The following ZRANB3 variants were observed in gnomAD, a reference collection of about 807,000 sequenced individuals.
The protein encoded by ZRANB3 is zinc finger RANBP2-type containing 3.
A neutral mutation model predicts 133.8 loss-of-function variants in ZRANB3; 125 were observed. The observed-to-expected ratio is 0.93, with a 90% CI of 0.81 to 1.08. The LOEUF is 1.08. Among genes scored for constraint, ZRANB3 ranks in the 50% least tolerant of loss-of-function variants. ZRANB3 has a pLI of 0.00. For synonymous variants in ZRANB3, 387 were observed against 432.7 expected, an observed-to-expected ratio of 0.89 and a Z score of 1.31; for missense variants, 1,229 against 1,275.5, an observed-to-expected ratio of 0.96 and a Z score of 0.56.
At chr2:135,315,208 G>T in intron 7 of ZRANB3, 151 bp downstream of exon 7, 1 of 679,834 alleles carries the variant, frequency 1.5e-6, no homozygotes, top group Non-Finnish European at 2.1e-6. Flanking sequence ...CTTTCTTGCT[G>T]AAATACAAAA....
chr2:135,325,274 G>T (rs956454270), intron 6 of ZRANB3, among the ~76,000 whole-genome samples: 4 of 152,158 alleles, frequency 2.6e-5, no homozygotes, highest in Non-Finnish European at 5.9e-5. Flanking sequence ...ACTGTAAGTT[G>T]CTAACAAAAC....
At chr2:135,333,243 T>C (rs966784694) in intron 6 of ZRANB3, among the ~76,000 whole-genome samples, 27 of 152,178 alleles carry the variant, frequency 1.8e-4, no homozygotes, top group African/African-American at 6.3e-4. Flanking sequence ...ACAGAGAAAA[T>C]ATAAACTGTA....
chr2:135,478,622 C>T (rs1003392625), intron 2 of ZRANB3, among the ~76,000 whole-genome samples: 12 of 151,998 alleles, frequency 7.9e-5, no homozygotes, highest in African/African-American at 2.7e-4. Context: ...TCACTCAACA[C>T]TATGTTTGAA....
intron 12 of ZRANB3, among the ~76,000 whole-genome samples, chr2:135,262,159 C>CAAAAAAAA (rs755264566): frequency 1.3e-4 from 8 of 63,946 alleles, no homozygotes; most frequent in East Asian, 3.9e-4. Flanking sequence ...ACTCCATCTC[C>CAAAAAAAA]AAAAAAAAAA....
At chr2:135,378,301 T>G (rs568171810) in intron 3 of ZRANB3, among the ~76,000 whole-genome samples, 28 of 152,266 alleles carry the variant, frequency 1.8e-4, no homozygotes, top group African/African-American at 5.5e-4. Context: ...AAGACCAGAC[T>G]GACCAACATG....
At chr2:135,295,149 G>T (rs115649004) in intron 8 of ZRANB3, among the ~76,000 whole-genome samples, 2 of 151,594 alleles carry the variant, frequency 1.3e-5, no homozygotes, top group African/African-American at 4.8e-5. Flanking sequence ...TTTCTGTCGC[G>T]TTTATCTGTC....
chr2:135,389,322 T>C lies in ZRANB3; in HGVS notation c.180+1480A>G, dbSNP rs573021021. Among the ~76,000 whole-genome samples the C allele has an allele frequency of 2.6e-5, 4 of 152,330 alleles. No homozygotes were observed. The South Asian group carries it at 8.3e-4, about 32-fold the overall frequency. On this transcript the variant is annotated intron_variant, in intron 3 of 20. Coordinates refer to ENST00000264159, the MANE Select transcript of ZRANB3 (RefSeq NM_032143.4). ...AAAATTAGGTCATTATAAATTAGCA[T>C]GAACTATGAACCCCTATATCAACAT...
chr2:135,512,172 C>G (rs1219634559), intron 1 of ZRANB3, among the ~76,000 whole-genome samples: 1 of 152,058 alleles, frequency 6.6e-6, no homozygotes, highest in African/African-American at 2.4e-5. Context: ...AACTTATTTT[C>G]TAAGCAATTT....
At chr2:135,455,906 T>C (rs1006694477) in intron 2 of ZRANB3, among the ~76,000 whole-genome samples, 1 of 152,234 alleles carries the variant, frequency 6.6e-6, no homozygotes, top group African/African-American at 2.4e-5. Flanking sequence ...ACTATTGATT[T>C]TTTAAAAATT....
At chr2:135,282,406 T>C (rs1485509603) in intron 8 of ZRANB3, among the ~76,000 whole-genome samples, 1 of 152,172 alleles carries the variant, frequency 6.6e-6, no homozygotes, top group Non-Finnish European at 1.5e-5. Flanking sequence ...TTAGTAAACA[T>C]TTCCAAATCT....
chr2:135,325,670 T>C (rs558716051), intron 6 of ZRANB3, among the ~76,000 whole-genome samples: 6 of 152,266 alleles, frequency 3.9e-5, no homozygotes, highest in South Asian at 2.1e-4. Context: ...GCTGGGATTA[T>C]GGGTGTAAGC....
intron 6 of ZRANB3, among the ~76,000 whole-genome samples, chr2:135,323,019 A>T (rs1683615135): frequency 6.8e-6 from 1 of 146,784 alleles, no homozygotes; most frequent in African/African-American, 2.6e-5. Context: ...TCAAAAAAAA[A>T]AATTTTTTTT....
At chr2:135,484,768 T>A (rs1316996242) in intron 2 of ZRANB3, among the ~76,000 whole-genome samples, 2 of 151,598 alleles carry the variant, frequency 1.3e-5, no homozygotes, top group Non-Finnish European at 2.9e-5. Flanking sequence ...TTACAGTGGC[T>A]CACACCTGTA....
intron 8 of ZRANB3, among the ~76,000 whole-genome samples, chr2:135,278,043 AAACT>A (rs1680926143): frequency 6.6e-6 from 1 of 152,130 alleles, no homozygotes; most frequent in Admixed American, 6.5e-5. Flanking sequence ...CAAACAGAGA[AAACT>A]AACAAAAATC....
At chr2:135,424,631 G>T (rs1392713992) in intron 2 of ZRANB3, among the ~76,000 whole-genome samples, 1 of 152,164 alleles carries the variant, frequency 6.6e-6, no homozygotes, top group Non-Finnish European at 1.5e-5. Flanking sequence ...TCCTGGGGAG[G>T]CTGAGGCAAG....
chr2:135,527,342 C>T (rs992234437), intron 1 of ZRANB3, among the ~76,000 whole-genome samples: 4 of 152,010 alleles, frequency 2.6e-5, no homozygotes, highest in African/African-American at 9.7e-5. Flanking sequence ...GTGGATCACT[C>T]GAGGTCAGGA....
At chr2:135,437,985 G>A (rs1482379726) in intron 2 of ZRANB3, among the ~76,000 whole-genome samples, 1 of 152,152 alleles carries the variant, frequency 6.6e-6, no homozygotes, top group African/African-American at 2.4e-5. Context: ...TGTATCTGAT[G>A]TCTGCTTGAG....
chr2:135,248,585 A>G (rs979778937), intron 12 of ZRANB3, among the ~76,000 whole-genome samples: 15 of 152,188 alleles, frequency 9.9e-5, no homozygotes, highest in African/African-American at 3.4e-4. Flanking sequence ...ACAAATTTAC[A>G]AGAGAAAAAC....
At chr2:135,394,939 A>AG (rs1467685386) in intron 2 of ZRANB3, among the ~76,000 whole-genome samples, 3 of 146,896 alleles carry the variant, frequency 2.0e-5, no homozygotes, top group African/African-American at 7.7e-5. Context: ...CAACATAGCA[A>AG]GACCTTGTCT....
Sources: gnomAD v4.1 joint callset for allele counts (sites outside exome capture counted in the v4.1 genomes callset) on GRCh38, gnomAD v4.1.1 for gene constraint, MANE v1.5 for transcripts, NCBI Gene and HGNC (gene_info 2026-07-23, HGNC 2026-07-21) for gene names.